Variants in IL1RAPL2 observed in about 807,000 individuals in gnomAD.
IL1RAPL2 encodes X-linked interleukin-1 receptor accessory protein-like 2.
In IL1RAPL2, 3 loss-of-function variants were observed where a neutral mutation model predicts 44.1. The observed-to-expected ratio is 0.07, with a 90% CI of 0.03 to 0.18. The LOEUF is 0.18. Among genes scored for constraint, IL1RAPL2 ranks in the 10% least tolerant of loss-of-function variants. The pLI, the probability that IL1RAPL2 is intolerant of heterozygous loss-of-function variation, is 1.00. For synonymous variants in IL1RAPL2, 181 were observed against 178.8 expected (o/e 1.01, Z -0.10); for missense variants, 391 against 496.4 (o/e 0.79, Z 2.02).
At chrX:105,278,674 G>C (rs573125018) in intron 5 of IL1RAPL2, among the ~76,000 whole-genome samples, 1 of 111,845 alleles carries the variant, frequency 8.9e-6, no homozygotes, top group Admixed American at 9.5e-5. Flanking sequence ...ACCTCAAAAG[G>C]CTGGTGATTA....
intron 1 of IL1RAPL2, 103 bp from the exon 2 acceptor site, chrX:104,658,792 T>G: frequency 1.9e-6 from 1 of 523,781 alleles, no homozygotes. Flanking sequence ...AGATTGTCAT[T>G]GTTTCTCTAA....
At chrX:104,578,558 CAG>C (rs1044368289) in intron 1 of IL1RAPL2, among the ~76,000 whole-genome samples, 5 of 111,187 alleles carry the variant, frequency 4.5e-5, no homozygotes, top group Non-Finnish European at 9.4e-5. Flanking sequence ...GAAGGGCACA[CAG>C]AGGGGATCCA....
intron 2 of IL1RAPL2, among the ~76,000 whole-genome samples, chrX:104,994,827 G>A (rs1046199262): frequency 8.1e-5 from 9 of 111,137 alleles, no homozygotes; most frequent in South Asian, 3.8e-4. Context: ...AAGACGCAGA[G>A]TTTTTCATCT....
In IL1RAPL2 at chrX:105,493,828, A is replaced by G. The variant is rs986510774; in HGVS notation, c.772+9441A>G. Among the ~76,000 whole-genome samples, 31 of 112,078 alleles carry G rather than the reference A, an allele frequency of 2.8e-4. 2 individuals are homozygous for G. The highest frequency in any genetic ancestry group is 1.8e-3 in the Admixed American group (19 of 10,559). On this transcript the variant is annotated intron_variant, in intron 6 of 10. Transcript: ENST00000372582. The stretch of plus-strand genomic sequence containing the variant: ...AGGGGTGTCTAGTGTGAATTGATTC[A>G]GTGAGAAAATAGAAATTATTAAGAG...
chrX:105,022,164 A>G (rs1037365079), intron 2 of IL1RAPL2, among the ~76,000 whole-genome samples: 3 of 111,117 alleles, frequency 2.7e-5, no homozygotes, highest in Non-Finnish European at 5.7e-5. Context: ...ATATACACAC[A>G]TTATATATAT....
At chrX:105,218,791 A>G in intron 3 of IL1RAPL2, 6 of 393,755 alleles carry the variant, frequency 1.5e-5, no homozygotes, top group Non-Finnish European at 1.3e-5. Context: ...TCCTCCAGTC[A>G]CCACCCCTAT....
At chrX:104,785,868 C>G (rs746901308) in intron 2 of IL1RAPL2, among the ~76,000 whole-genome samples, 1 of 111,980 alleles carries the variant, frequency 8.9e-6, no homozygotes, top group Non-Finnish European at 1.9e-5. Context: ...TTCCATGTTG[C>G]TTAGTGTGAT....
rs746566699 is a variant in IL1RAPL2, at chrX:105,766,349, A to G, written c.1364-615A>G. 4.1e-4 allele frequency among the ~76,000 whole-genome samples: 46 copies of G among 111,401 alleles called. No homozygotes were observed. The South Asian group carries it at 0.017, about 40-fold the overall frequency. On this transcript the variant is annotated intron_variant, in intron 10 of 10. Transcript: ENST00000372582. ...GTTTGAAGGGCATAATGGAGAACCT[A>G]AGTTTGCAAATGACAGAAATAATCG...
At chrX:105,311,047 C>T (rs2034793202) in intron 5 of IL1RAPL2, among the ~76,000 whole-genome samples, 1 of 111,012 alleles carries the variant, frequency 9.0e-6, no homozygotes, top group Admixed American at 9.6e-5. Context: ...GATGAATTGA[C>T]CCCTTTGCCA....
At chrX:104,616,357 T>C (rs912968391) in intron 1 of IL1RAPL2, among the ~76,000 whole-genome samples, 3 of 112,386 alleles carry the variant, frequency 2.7e-5, no homozygotes, top group African/African-American at 9.7e-5. Context: ...TGTTCATTCA[T>C]GGGTATAGGC....
chrX:105,085,292 G>A (rs1480307483), intron 2 of IL1RAPL2, among the ~76,000 whole-genome samples: 1 of 111,950 alleles, frequency 8.9e-6, no homozygotes, highest in South Asian at 3.7e-4. Flanking sequence ...GGGGCTCATA[G>A]CCAAAATATA....
intron 2 of IL1RAPL2, among the ~76,000 whole-genome samples, chrX:105,164,211 C>T (rs1233920296): frequency 9.0e-6 from 1 of 111,461 alleles, no homozygotes; most frequent in African/African-American, 3.3e-5. Flanking sequence ...ATTGAGTTCT[C>T]ATATTCTTCT....
chrX:105,360,419 C>A (rs1432454106), intron 5 of IL1RAPL2, among the ~76,000 whole-genome samples: 1 of 111,498 alleles, frequency 9.0e-6, no homozygotes, highest in Non-Finnish European at 1.9e-5. Context: ...AGGCAAAGTC[C>A]TGTCCTCATA....
intron 5 of IL1RAPL2, among the ~76,000 whole-genome samples, chrX:105,305,544 CTT>C: frequency 9.0e-6 from 1 of 110,542 alleles, no homozygotes; most frequent in Non-Finnish European, 1.9e-5. Context: ...AACTTTCTCT[CTT>C]TCGCTCTACA....
intron 2 of IL1RAPL2, among the ~76,000 whole-genome samples, chrX:104,767,772 G>A (rs758802753): frequency 1.8e-5 from 2 of 111,738 alleles, no homozygotes; most frequent in South Asian, 3.7e-4. Flanking sequence ...AGGTGTGAAC[G>A]CCAGCAATGG....
At chrX:104,917,265 TC>T (rs1171094977) in intron 2 of IL1RAPL2, among the ~76,000 whole-genome samples, 1 of 111,767 alleles carries the variant, frequency 8.9e-6, no homozygotes, top group African/African-American at 3.3e-5. Flanking sequence ...GTAGTTGTTT[TC>T]TAGTTTATTG....
At chrX:104,832,194 G>A (rs919341435) in intron 2 of IL1RAPL2, among the ~76,000 whole-genome samples, 33 of 111,070 alleles carry the variant, frequency 3.0e-4, no homozygotes, top group African/African-American at 9.5e-4. Flanking sequence ...ATTCCTGCCA[G>A]GCAAAAAAGG....
Position 104,612,015 on chromosome X carries a change from C to T in IL1RAPL2, c.-20+44964C>T, listed in dbSNP as rs186276796. 5.4e-5 allele frequency among the ~76,000 whole-genome samples: 6 copies of T among 110,365 alleles called. No homozygotes were observed. In the Admixed American group the frequency reaches 5.8e-4, roughly 11 times the overall value. The stretch of plus-strand genomic sequence containing the variant: ...TGAGAAGGATCTTTTCATGTCTTTG[C>T]CCAGTTTTTAATGAGGTTGTTTGTT... On this transcript the variant is annotated intron_variant, in intron 1 of 10. Transcript: ENST00000372582.
At chrX:105,058,218 TG>T (rs1431516746) in intron 2 of IL1RAPL2, among the ~76,000 whole-genome samples, 5 of 110,842 alleles carry the variant, frequency 4.5e-5, no homozygotes, top group Non-Finnish European at 9.4e-5. Context: ...TCTAAAGCGC[TG>T]GGATTACAGG....
Sources: allele counts gnomAD v4.1 joint callset (sites outside exome capture counted in the v4.1 genomes callset), GRCh38; gene constraint gnomAD v4.1.1; transcripts MANE v1.5; gene names NCBI Gene and HGNC (gene_info 2026-07-23, HGNC 2026-07-21).